Variants in AGAP1 observed in about 807,000 individuals in gnomAD.
AGAP1 encodes the protein ArfGAP with GTPase domain, ankyrin repeat and PH domain 1, also known as arf-GAP with GTPase, ANK repeat and PH domain-containing protein 1.
AGAP1 carries 29 observed loss-of-function variants against 105.3 expected under a neutral mutation model. The ratio of observed to expected loss-of-function variants is 0.28; its 90% CI spans 0.21 to 0.38. AGAP1 has a LOEUF of 0.38. Among genes scored for constraint, AGAP1 ranks in the 10% least tolerant of loss-of-function variants. AGAP1 has a pLI of 1.00. For missense variants in AGAP1, 998 were observed against 1,165.1 expected (o/e 0.86, Z 2.09); for synonymous variants, 509 against 485.9 (o/e 1.05, Z -0.63).
At chr2:235,968,380 GT>G in intron 12 of AGAP1, 81 bp from the exon 13 acceptor site, 1 of 1,496,154 alleles carries the variant, frequency 6.7e-7, no homozygotes, top group Admixed American at 2.4e-5. Flanking sequence ...GAGCGTGGCT[GT>G]GCTGTTTCTG....
At position 236,083,111 on chromosome 2, in the gene AGAP1, C is replaced by T. The variant is rs949324165; in HGVS notation, c.2114+33830C>T. Among the ~76,000 whole-genome samples the T allele has an allele frequency of 6.6e-6, 1 of 151,818 alleles. No homozygotes were observed. Among genetic ancestry groups the T allele is most frequent in the Non-Finnish European group, 1.5e-5 (1 of 67,964 alleles). On this transcript the variant is annotated intron_variant, in intron 16 of 17. Coordinates refer to ENST00000304032, the MANE Select transcript of AGAP1 (RefSeq NM_001037131.3). The surrounding 1 kb of genome is among the most constrained non-coding windows in gnomAD (Gnocchi z 5.3). ...CATAGGTTGCAGTGAGCCGAGATCA[C>T]GCCATTGCACTCCAGCCTAGGCAAC... is the stretch of plus-strand genomic sequence containing the variant.
At position 235,675,432 on chromosome 2, in the gene AGAP1, G is replaced by A. The variant is rs538829746; in HGVS notation, c.164-33747G>A. 5.9e-5 allele frequency among the ~76,000 whole-genome samples: 9 copies of A among 152,208 alleles called. 1 individual carries two copies. The East Asian group carries it at 1.7e-3, about 29-fold the overall frequency. On this transcript the variant is annotated intron_variant, in intron 1 of 17. Transcript: ENST00000304032. ...CTGACCTCGTGATACACCCGCCTCA[G>A]CCTCCCAAGGTGCTGGGATTACAAG...
At position 236,124,450 on chromosome 2, in the gene AGAP1, G is replaced by T; in HGVS notation, c.*328G>T. On this transcript the variant is annotated 3_prime_UTR_variant, in exon 18 of 18. Coordinates refer to ENST00000304032, the MANE Select transcript of AGAP1 (RefSeq NM_001037131.3). This position sits in a 1 kb window ranked among gnomAD's most constrained non-coding sequence, Gnocchi z 5.1. Reference sequence around the variant, plus strand: ...CTGGTGGCACAAGGGATGGGGACGCGAGGGGGAGGGGAGGCGAGGAACAAG... The same window carrying T: ...CTGGTGGCACAAGGGATGGGGACGCTAGGGGGAGGGGAGGCGAGGAACAAG... 2.9e-6 allele frequency: 1 copy of T among 346,350 alleles called. No homozygotes were observed. The highest frequency in any genetic ancestry group is 5.4e-6 in the Non-Finnish European group (1 of 186,500). 21.5% of individuals were successfully genotyped at this position (346,350 alleles called of 1,614,324 possible).
chr2:235,822,045 ACTGACC>A (rs1958817875), intron 9 of AGAP1, among the ~76,000 whole-genome samples: 1 of 152,184 alleles, frequency 6.6e-6, no homozygotes, highest in Non-Finnish European at 1.5e-5. Flanking sequence ...TCCTGGGAAC[ACTGACC>A]TTGGTCACTT....
Position 236,066,387 on chromosome 2 carries a change from A to G in AGAP1, c.2114+17106A>G, listed in dbSNP as rs192337043. On this transcript the variant is annotated intron_variant, in intron 16 of 17. Coordinates refer to ENST00000304032, the MANE Select transcript of AGAP1 (RefSeq NM_001037131.3). ...ACTACAGACACCTGCCACCACGCCC[A>G]GTTCATTTTCGTATTTTTAGTAGAG... Among the ~76,000 whole-genome samples, 1,094 of 152,054 alleles carry G rather than the reference A, an allele frequency of 7.2e-3. 9 individuals are homozygous for G. Among genetic ancestry groups the G allele is most frequent in the Non-Finnish European group, 0.011 (717 of 67,986 alleles).
At chr2:235,910,988 C>T (rs2051584031) in intron 11 of AGAP1, among the ~76,000 whole-genome samples, 1 of 152,142 alleles carries the variant, frequency 6.6e-6, no homozygotes, top group Non-Finnish European at 1.5e-5. Context: ...AGTCCCTAAC[C>T]TCTAGAATTC....
chr2:235,722,529 A>C (rs1042102739), intron 3 of AGAP1, among the ~76,000 whole-genome samples: 1 of 151,940 alleles, frequency 6.6e-6, no homozygotes, highest in Non-Finnish European at 1.5e-5. Context: ...TAGACTCCTA[A>C]CCCCAGTCTC....
In AGAP1 at chr2:235,740,842, TACTC is replaced by T. The variant is rs532352829; in HGVS notation, c.311-119_311-116del. On this transcript the variant is annotated intron_variant, in intron 3 of 17. Transcript: ENST00000304032. The surrounding 1 kb of genome is among the most constrained non-coding windows in gnomAD (Gnocchi z 5.7). ...CAGCATTTGCTGGCAACATCCTAAA[TACTC>T]AGTTGCCTCCAGGGCGACAGCCTAG... 59 of 1,101,146 alleles carry T rather than the reference TACTC, an allele frequency of 5.4e-5. No individual in the cohort carries two copies. The African/African-American group carries it at 8.1e-4, about 15-fold the overall frequency. 68.2% of individuals were successfully genotyped at this position (1,101,146 alleles called of 1,614,324 possible).
intron 7 of AGAP1, among the ~76,000 whole-genome samples, chr2:235,798,273 A>G (rs189433794): frequency 3.3e-4 from 51 of 152,296 alleles, no homozygotes; most frequent in African/African-American, 9.1e-4. Context: ...GTGGCATTCA[A>G]TTATAATTAC....
In AGAP1 at chr2:236,051,504, G is replaced by T. The variant is rs1371901472; in HGVS notation, c.2114+2223G>T. On this transcript the variant is annotated intron_variant, in intron 16 of 17. Coordinates refer to ENST00000304032, the MANE Select transcript of AGAP1 (RefSeq NM_001037131.3). The surrounding 1 kb of genome is among the most constrained non-coding windows in gnomAD (Gnocchi z 5.9). ...GGGCCAGGGCCAGGGGACCAGGTGG[G>T]AAGGCGGGCTGGAGGGTGGGAGTGG... Among the ~76,000 whole-genome samples the T allele has an allele frequency of 6.6e-6, 1 of 152,140 alleles. No individual in the cohort carries two copies. Among genetic ancestry groups the T allele is most frequent in the Non-Finnish European group, 1.5e-5 (1 of 68,018 alleles).
rs1018841909 is a variant in AGAP1, at chr2:235,967,322, AC to A, written c.1484-1134del. On this transcript the variant is annotated intron_variant, in intron 12 of 17. Transcript: ENST00000304032. The surrounding 1 kb of genome is among the most constrained non-coding windows in gnomAD (Gnocchi z 4.7). ...CCCCAGCTACCCTATTTTAAATGAC[AC>A]CCCCCATCACTGCCGCCTCTCCCCA... Among the ~76,000 whole-genome samples the A allele has an allele frequency of 4.6e-5, 7 of 150,592 alleles. No homozygotes were observed. Among genetic ancestry groups the A allele is most frequent in the Admixed American group, 6.6e-5 (1 of 15,138 alleles).
In AGAP1 at chr2:235,592,808, G is replaced by C. The variant is rs1199992387; in HGVS notation, c.163+97959G>C. Among the ~76,000 whole-genome samples the C allele has an allele frequency of 2.6e-5, 4 of 152,170 alleles. No individual in the cohort carries two copies. The East Asian group carries it at 7.7e-4, about 29-fold the overall frequency. ...TGCCCTTGCAGGGTGAGAGTGCGGG[G>C]TGGCTGCTCGTCTGGAGAAGAGAGC... On this transcript the variant is annotated intron_variant, in intron 1 of 17. Transcript: ENST00000304032.
intron 10 of AGAP1, among the ~76,000 whole-genome samples, chr2:235,903,147 AATATT>A (rs752935358): frequency 8.8e-4 from 134 of 152,260 alleles, no homozygotes; most frequent in Middle Eastern, 3.4e-3. Flanking sequence ...ATTAATATAA[AATATT>A]ATATTTCTCA....
rs763053170 is a variant in AGAP1 at position 235,665,986 on chromosome 2, G to A, written c.164-43193G>A. Among the ~76,000 whole-genome samples the A allele has an allele frequency of 1.8e-4, 28 of 152,146 alleles. No homozygotes were observed. Among genetic ancestry groups the A allele is most frequent in the African/African-American group, 5.8e-4 (24 of 41,424 alleles). On this transcript the variant is annotated intron_variant, in intron 1 of 17. Coordinates refer to ENST00000304032, the MANE Select transcript of AGAP1 (RefSeq NM_001037131.3). The surrounding 1 kb of genome is among the most constrained non-coding windows in gnomAD (Gnocchi z 5.3). ...ATTTATAGGTAGCTAGAAATGACCC[G>A]GGACAGAGGAGTCGTGAGACGGTGG...
intron 3 of AGAP1, among the ~76,000 whole-genome samples, chr2:235,731,953 G>A (rs997442646): frequency 1.3e-5 from 2 of 152,164 alleles, no homozygotes; most frequent in African/African-American, 2.4e-5. Context: ...GGGAAGAAAT[G>A]GAAGGGGCAG....
At chr2:235,554,945 C>T (rs1368036367) in intron 1 of AGAP1, among the ~76,000 whole-genome samples, 2 of 152,214 alleles carry the variant, frequency 1.3e-5, no homozygotes, top group East Asian at 3.9e-4. Flanking sequence ...GCCAGGATTA[C>T]AGGTGTGAGC....
chr2:235,570,490 T>C (rs1025961963), intron 1 of AGAP1, among the ~76,000 whole-genome samples: 4 of 152,354 alleles, frequency 2.6e-5, no homozygotes, highest in Middle Eastern at 3.4e-3. Context: ...GGGTCCCTTT[T>C]AATGTGGGAA....
rs1029927335 is a variant in AGAP1, at chr2:235,992,713, G to T, written c.1645+24090G>T. Among the ~76,000 whole-genome samples the T allele has an allele frequency of 6.6e-6, 1 of 152,148 alleles. No individual in the cohort carries two copies. Among genetic ancestry groups the T allele is most frequent in the African/African-American group, 2.4e-5 (1 of 41,436 alleles). On this transcript the variant is annotated intron_variant, in intron 13 of 17. Coordinates refer to ENST00000304032, the MANE Select transcript of AGAP1 (RefSeq NM_001037131.3). This position sits in a 1 kb window ranked among gnomAD's most constrained non-coding sequence, Gnocchi z 4.8. ...GACTCTTCAACTCACCAAGAATATC[G>T]TGGCCGCTGAGGTCCTGCACACCTG... is the stretch of plus-strand genomic sequence containing the variant.
At chr2:235,776,014 A>G (rs540997427) in intron 6 of AGAP1, among the ~76,000 whole-genome samples, 2 of 152,262 alleles carry the variant, frequency 1.3e-5, no homozygotes, top group African/African-American at 4.8e-5. Context: ...TCCTAGTTTA[A>G]TAGGAAGTGT....
Sources: allele counts gnomAD v4.1 joint callset (sites outside exome capture counted in the v4.1 genomes callset), GRCh38; gene constraint gnomAD v4.1.1; non-coding constraint Gnocchi (gnomAD v3.1); transcripts MANE v1.5; gene names NCBI Gene and HGNC (gene_info 2026-07-23, HGNC 2026-07-21).